The following TYR variants were observed in gnomAD, a reference collection of about 807,000 sequenced individuals.
TYR encodes the protein tyrosinase, also known as LB24-AB.
Under a neutral mutation model 51.5 loss-of-function variants are expected in TYR, and 58 were observed. That is an observed-to-expected ratio of 1.13 (90% CI 0.91 to 1.40). The LOEUF (loss-of-function observed/expected upper bound fraction) is 1.40, where lower values mean the gene tolerates loss of function less well. Among genes scored for constraint, TYR ranks in the 40% most tolerant of loss-of-function variants. The pLI, the probability that TYR is intolerant of heterozygous loss-of-function variation, is 0.00. For synonymous variants in TYR, 263 were observed against 235.2 expected (o/e 1.12, Z -1.08); for missense variants, 732 against 647.4 (o/e 1.13, Z -1.42).
intron 4 of TYR, chr11:89,293,865 C>G: frequency 6.4e-6 from 2 of 312,076 alleles, no homozygotes; most frequent in Non-Finnish European, 1.3e-5. Flanking sequence ...TGAATATTCC[C>G]ATTTCAGGAG....
intron 2 of TYR, among the ~76,000 whole-genome samples, chr11:89,212,077 A>C (rs1205721050): frequency 2.0e-5 from 3 of 152,240 alleles, no homozygotes; most frequent in Non-Finnish European, 2.9e-5. Context: ...AGCTAGCAGA[A>C]GAAATAACTA....
rs1206903182 is a variant in TYR at position 89,178,028 on chromosome 11, C to T, written c.75C>T (p.Val25=). ...TSAGHFPRAC[V]SSKNLMEKEC... is the part of the protein sequence containing the mutation. ...CTGGCCATTTCCCTAGAGCCTGTGTCTCCTCTAAGAACCTGATGGAGAAGG... is the reference window on the plus strand; with the variant it reads ...CTGGCCATTTCCCTAGAGCCTGTGTTTCCTCTAAGAACCTGATGGAGAAGG... Residue 25 remains valine, a synonymous_variant, in exon 1 of 5, where the codon GTC becomes GTT. Coordinates refer to ENST00000263321, the MANE Select transcript of TYR (RefSeq NM_000372.5). The T allele has an allele frequency of 1.9e-6, 3 of 1,614,066 alleles. No homozygotes were observed. Among genetic ancestry groups the T allele is most frequent in the South Asian group, 2.2e-5 (2 of 91,090 alleles).
intron 2 of TYR, among the ~76,000 whole-genome samples, chr11:89,192,415 C>T (rs1340936413): frequency 6.6e-6 from 1 of 152,112 alleles, no homozygotes; most frequent in African/African-American, 2.4e-5. Flanking sequence ...TAACACTAGA[C>T]ATCGCAGCTC....
At chr11:89,286,023 T>C (rs1270349011) in intron 4 of TYR, among the ~76,000 whole-genome samples, 1 of 151,894 alleles carries the variant, frequency 6.6e-6, no homozygotes, top group Admixed American at 6.6e-5. Context: ...ATGACTAGCA[T>C]AGTTTCATAC....
intron 3 of TYR, among the ~76,000 whole-genome samples, chr11:89,255,109 A>G (rs1204698693): frequency 6.6e-6 from 1 of 151,712 alleles, no homozygotes; most frequent in Non-Finnish European, 1.5e-5. Flanking sequence ...ATTTGTATGT[A>G]TTTGCCTGGT....
intron 1 of TYR, among the ~76,000 whole-genome samples, chr11:89,186,078 G>T (rs1372207723): frequency 6.6e-6 from 1 of 152,116 alleles, no homozygotes; most frequent in Non-Finnish European, 1.5e-5. Flanking sequence ...CAAAGAGTGG[G>T]CATGCTTAGC....
chr11:89,263,787 G>T (rs1261086237), intron 3 of TYR, among the ~76,000 whole-genome samples: 4 of 151,950 alleles, frequency 2.6e-5, no homozygotes, highest in Non-Finnish European at 5.9e-5. Context: ...CCAAATCAGG[G>T]CAAGACTTAT....
At chr11:89,187,322 G>T (rs943212650) in intron 1 of TYR, among the ~76,000 whole-genome samples, 1 of 152,130 alleles carries the variant, frequency 6.6e-6, no homozygotes, top group Non-Finnish European at 1.5e-5. Context: ...ACACCAAGTA[G>T]TAACAGCAAG....
chr11:89,242,912 G>A (rs1193399117), intron 3 of TYR, among the ~76,000 whole-genome samples: 3 of 152,098 alleles, frequency 2.0e-5, no homozygotes, highest in South Asian at 2.1e-4. Flanking sequence ...GAGAGACCTC[G>A]ACTGAGATAT....
intron 2 of TYR, among the ~76,000 whole-genome samples, chr11:89,191,672 A>C (rs942422618): frequency 3.9e-5 from 6 of 152,074 alleles, no homozygotes; most frequent in African/African-American, 1.4e-4. Context: ...TGACAGGTGG[A>C]TCACTTGAAC....
At chr11:89,243,707 A>G (rs1368803787) in intron 3 of TYR, among the ~76,000 whole-genome samples, 1 of 152,202 alleles carries the variant, frequency 6.6e-6, no homozygotes, top group African/African-American at 2.4e-5. Flanking sequence ...TGTGTTAACT[A>G]GCAAACTGGC....
chr11:89,264,585 T>C (rs1940108107), intron 3 of TYR, among the ~76,000 whole-genome samples: 1 of 151,908 alleles, frequency 6.6e-6, no homozygotes, highest in Non-Finnish European at 1.5e-5. Context: ...CAAAGAAATA[T>C]AAATCATTCT....
At chr11:89,209,871 G>A (rs538090908) in intron 2 of TYR, among the ~76,000 whole-genome samples, 225 of 152,280 alleles carry the variant, frequency 1.5e-3, no homozygotes, top group Non-Finnish European at 2.1e-3. Context: ...TGCAGCTCAG[G>A]GGCCTGTCTG....
intron 2 of TYR, among the ~76,000 whole-genome samples, chr11:89,207,823 C>A (rs1943692116): frequency 1.3e-5 from 2 of 152,112 alleles, no homozygotes; most frequent in East Asian, 1.9e-4. Flanking sequence ...GTATCTTGAC[C>A]CTTTCAATAC....
chr11:89,269,593 A>C (rs2135313659), intron 3 of TYR, among the ~76,000 whole-genome samples: 1 of 151,976 alleles, frequency 6.6e-6, no homozygotes, highest in South Asian at 2.1e-4. Context: ...TTTTAATCTG[A>C]TTTTAACTGC....
intron 3 of TYR, among the ~76,000 whole-genome samples, chr11:89,274,921 C>T (rs1200026394): frequency 6.6e-6 from 1 of 151,698 alleles, no homozygotes; most frequent in East Asian, 2.0e-4. Flanking sequence ...TTAAAGTCAC[C>T]TCCCAAGTAC....
chr11:89,284,592 A>G lies in TYR; in HGVS notation c.1185-181A>G, dbSNP rs183867478. Reference sequence around the variant, plus strand: ...CTCAATATTTATTTTAAATGAGTGAACTTCAAGGCCTGAAAGAATAAACTA... The same window carrying G: ...CTCAATATTTATTTTAAATGAGTGAGCTTCAAGGCCTGAAAGAATAAACTA... On this transcript the variant is annotated intron_variant, in intron 3 of 4. Transcript: ENST00000263321. 5.3e-5 allele frequency among the ~76,000 whole-genome samples: 8 copies of G among 152,060 alleles called. No homozygotes were observed. In the East Asian group the frequency reaches 1.6e-3, roughly 30 times the overall value.
chr11:89,294,324 G>C (rs1944882285), intron 4 of TYR: 1 of 152,228 alleles, frequency 6.6e-6, no homozygotes, highest in Admixed American at 6.6e-5. Flanking sequence ...TTTTTTGTTT[G>C]TTTGTTTTGG....
chr11:89,183,319 C>G (rs995750795), intron 1 of TYR, among the ~76,000 whole-genome samples: 2 of 151,966 alleles, frequency 1.3e-5, no homozygotes, highest in Non-Finnish European at 2.9e-5. Context: ...AGAAAAAAAA[C>G]AGAGTCATCA....
Sources: allele counts gnomAD v4.1 joint callset (sites outside exome capture counted in the v4.1 genomes callset), GRCh38; gene constraint gnomAD v4.1.1; transcripts MANE v1.5; gene names NCBI Gene and HGNC (gene_info 2026-07-23, HGNC 2026-07-21).